CHRNA4: variants seen among roughly 807,000 people sequenced by gnomAD.
CHRNA4 encodes neuronal acetylcholine receptor subunit alpha-4.
A neutral mutation model predicts 48.9 loss-of-function variants in CHRNA4; 28 were observed. That is an observed-to-expected ratio of 0.57 (90% CI 0.42 to 0.79). The LOEUF (loss-of-function observed/expected upper bound fraction) is 0.79. CHRNA4 is among the 30% of genes least tolerant of loss of function. The probability of loss-of-function intolerance (pLI) is 0.00; values close to 1 mark genes in which losing one functional copy is unlikely to be tolerated. For missense variants in CHRNA4, 859 were observed against 898.4 expected (o/e 0.96, Z 0.56); for synonymous variants, 425 against 402.3 (o/e 1.06, Z -0.68).
intron 4 of CHRNA4, among the ~76,000 whole-genome samples, chr20:63,353,990 G>GCTGTGGTCCTAGAGGGGC (rs2068672502): frequency 1.4e-5 from 1 of 69,372 alleles, no homozygotes; most frequent in Non-Finnish European, 3.0e-5. Context: ...GTCCTGGGGG[G>GCTGTGGTCCTAGAGGGGC]CTGTGGTCCT....
At chr20:63,356,815 G>A (rs1413805023) in intron 2 of CHRNA4, among the ~76,000 whole-genome samples, 2 of 152,172 alleles carry the variant, frequency 1.3e-5, no homozygotes, top group East Asian at 3.8e-4. Flanking sequence ...AGCTGCCCCT[G>A]GCACATAAGT....
chr20:63,359,575 G>A lies in CHRNA4; in HGVS notation c.201C>T (p.Gly67=), dbSNP rs2068771752. The change falls in exon 2 of 6, where the codon GGC becomes GGT. Residue 67 remains glycine (G), a synonymous_variant. Transcript: ENST00000370263. ...NISDVVLVRF[G]LSIAQLIDVD... ...CGTCAATGAGCTGAGCGATGGACAG[G>A]CCGAAGCGGACGAGGACCACGTCCG... is the stretch of plus-strand genomic sequence containing the variant. 3 of 1,612,746 alleles carry A rather than the reference G, an allele frequency of 1.9e-6. No homozygotes were observed. Among genetic ancestry groups the A allele is most frequent in the Admixed American group, 3.3e-5 (2 of 60,028 alleles).
At chr20:63,348,636 C>T (rs2068532647) in intron 5 of CHRNA4, among the ~76,000 whole-genome samples, 1 of 152,206 alleles carries the variant, frequency 6.6e-6, no homozygotes, top group South Asian at 2.1e-4. Context: ...GGGACAAGAG[C>T]CAGGAGGTGC....
At chr20:63,353,468 G>GGGCTGTGGTCCTAGGT (rs2068647379) in intron 4 of CHRNA4, among the ~76,000 whole-genome samples, 2 of 142,402 alleles carry the variant, frequency 1.4e-5, no homozygotes, top group South Asian at 4.7e-4. Flanking sequence ...TGGTCCTAGG[G>GGGCTGTGGTCCTAGGT]GGGCTGTGGT....
chr20:63,355,584 G>GCT lies in CHRNA4; in HGVS notation c.383+389_383+390dup, dbSNP rs1351406233. 1.9e-5 allele frequency: 25 copies of GCT among 1,302,464 alleles called. No individual in the cohort carries two copies. The South Asian group carries it at 2.8e-4, about 15-fold the overall frequency. The allele number at this position is 1,302,464 out of a possible 1,614,324, so 80.7% of individuals were successfully genotyped here. On this transcript the variant is annotated intron_variant, in intron 4 of 5. Coordinates refer to ENST00000370263, the MANE Select transcript of CHRNA4 (RefSeq NM_000744.7). Reference sequence around the variant, plus strand: ...GCGAAAAGCACTCCTGCCCAAAAGGGCTCTCCTGCAGCTGTCAAGGGTGGG... The same window carrying GCT: ...GCGAAAAGCACTCCTGCCCAAAAGGGCTCTCTCCTGCAGCTGTCAAGGGTGGG...
At position 63,343,765 on chromosome 20, in the gene CHRNA4, C is replaced by T. The variant is rs201016842; in HGVS notation, c.*2973G>A. 17 of 453,340 alleles carry T rather than the reference C, an allele frequency of 3.7e-5. No homozygotes were observed. The highest frequency in any genetic ancestry group is 7.0e-4 in the Middle Eastern group (1 of 1,438). The allele number at this position is 453,340 out of a possible 1,614,324, so 28.1% of individuals were successfully genotyped here. On this transcript the variant is annotated 3_prime_UTR_variant, in exon 6 of 6. Coordinates refer to ENST00000370263, the MANE Select transcript of CHRNA4 (RefSeq NM_000744.7). ...AGCAGCCGCAGAGGGGCCGGCGCCC[C>T]GGCAGGCTTCGAGCTGCAGCAGTGT...
chr20:63,346,930 C>T, intron 5 of CHRNA4, 67 bp from the exon 6 acceptor site: 1 of 1,605,034 alleles, frequency 6.2e-7, no homozygotes, highest in South Asian at 1.1e-5. Context: ...CCCTCAGGAC[C>T]CCGGCGCCGC....
intron 5 of CHRNA4, 63 bp downstream of exon 5, chr20:63,349,590 A>G: frequency 6.3e-7 from 1 of 1,599,824 alleles, no homozygotes; most frequent in Non-Finnish European, 8.5e-7. Flanking sequence ...CACCAGGAAG[A>G]AAGGGCGTCC....
chr20:63,344,402 C>T lies in CHRNA4; in HGVS notation c.*2336G>A. 4.4e-6 allele frequency: 2 copies of T among 453,876 alleles called. No homozygotes were observed. The highest frequency in any genetic ancestry group is 1.6e-5 in the South Asian group (1 of 64,468). 28.1% of individuals were successfully genotyped at this position (453,876 alleles called of 1,614,324 possible). ...TAAATTTTACCTTAATTAATAAAAA[C>T]AGCACTGGACGCAAATACGCCAACA... On this transcript the variant is annotated 3_prime_UTR_variant, in exon 6 of 6. Coordinates refer to ENST00000370263, the MANE Select transcript of CHRNA4 (RefSeq NM_000744.7). This position sits in a 1 kb window ranked among gnomAD's most constrained non-coding sequence, Gnocchi z 4.5.
rs924949457 is a variant in CHRNA4, at chr20:63,345,082, C to T, written c.*1656G>A. On this transcript the variant is annotated 3_prime_UTR_variant, in exon 6 of 6. Transcript: ENST00000370263. This position sits in a 1 kb window ranked among gnomAD's most constrained non-coding sequence, Gnocchi z 5.4. ...TGGGCCTGAGTCTCCTCCCCACTCA[C>T]GTCACTGCCCGCGGGGACACAGCGG... 1.3e-5 allele frequency: 6 copies of T among 453,938 alleles called. No individual in the cohort carries two copies. Among genetic ancestry groups the T allele is most frequent in the Admixed American group, 2.4e-5 (1 of 42,542 alleles). The allele number at this position is 453,938 out of a possible 1,614,324, so 28.1% of individuals were successfully genotyped here.
chr20:63,358,771 C>T (rs1601493543), intron 2 of CHRNA4, among the ~76,000 whole-genome samples: 2 of 152,340 alleles, frequency 1.3e-5, no homozygotes, highest in South Asian at 4.1e-4. Context: ...AGTGGCTGAG[C>T]CTGGCTGGGA....
chr20:63,345,055 T>C lies in CHRNA4; in HGVS notation c.*1683A>G, dbSNP rs1456734229. 3 of 453,742 alleles carry C rather than the reference T, an allele frequency of 6.6e-6. 1 individual carries two copies. Among genetic ancestry groups the C allele is most frequent in the South Asian group, 3.1e-5 (2 of 64,446 alleles). The allele number at this position is 453,742 out of a possible 1,614,324, so 28.1% of individuals were successfully genotyped here. On this transcript the variant is annotated 3_prime_UTR_variant, in exon 6 of 6. Transcript: ENST00000370263. This position sits in a 1 kb window ranked among gnomAD's most constrained non-coding sequence, Gnocchi z 5.4. ...GCAGTTCAGAGGCAGGTGTGGGCAA[T>C]GTGGGCCTGAGTCTCCTCCCCACTC...
intron 5 of CHRNA4, among the ~76,000 whole-genome samples, chr20:63,348,970 G>A (rs45492301): frequency 1.3e-5 from 2 of 152,316 alleles, no homozygotes; most frequent in East Asian, 3.9e-4. Flanking sequence ...TGGCTCCTGG[G>A]GCCTCTGTGC....
At chr20:63,348,160 C>T (rs1280749279) in intron 5 of CHRNA4, among the ~76,000 whole-genome samples, 13 of 152,234 alleles carry the variant, frequency 8.5e-5, no homozygotes, top group Admixed American at 8.5e-4. Context: ...AGAACCAGGT[C>T]AGGCAGCGGC....
chr20:63,356,394 T>G lies in CHRNA4; in HGVS notation c.250A>C (p.Thr84Pro). The change falls in exon 3 of 6, where the codon ACC (threonine) becomes CCC (proline). Residue 84 changes from threonine to proline, a missense_variant. By Grantham distance (38) the Thr-to-Pro change is conservative (BLOSUM62 -1). Transcript: ENST00000370263. The part of the protein sequence containing the change: ...IDVDEKNQMM[T>P]TNVWVKQEWH... ...ACCTGCTTCACCCATACGTTCGTGG[T>G]CATCATCTGGTTCTTCTCATCCTAG... The G allele has an allele frequency of 3.7e-6, 6 of 1,601,864 alleles. No homozygotes were observed. The highest frequency in any genetic ancestry group is 5.1e-6 in the Non-Finnish European group (6 of 1,174,894).
Position 63,359,896 on chromosome 20 carries a change from G to A in CHRNA4, c.77-197C>T, listed in dbSNP as rs1475333264. On this transcript the variant is annotated intron_variant, in intron 1 of 5. Transcript: ENST00000370263. ...GTGTGTGTGTGTGTGCCGGGCGTGT[G>A]CTGTGTGTGTGTGTGTGTGTGTGTG... 36 of 500,590 alleles carry A rather than the reference G, an allele frequency of 7.2e-5. 1 individual carries two copies. The highest frequency in any genetic ancestry group is 5.2e-4 in the Middle Eastern group (1 of 1,926). 31.0% of individuals were successfully genotyped at this position (500,590 alleles called of 1,614,324 possible). A position where few individuals can be genotyped will look rare whatever the true frequency, so the allele number is the denominator to read the frequency against.
intron 4 of CHRNA4, among the ~76,000 whole-genome samples, chr20:63,353,442 T>A (rs1267101077): frequency 1.5e-5 from 2 of 132,018 alleles, no homozygotes; most frequent in African/African-American, 5.9e-5. Flanking sequence ...TCCTGAGCTG[T>A]GGTCCTAGGG....
Position 63,350,371 on chromosome 20 carries a change from A to T in CHRNA4, c.1040T>A (p.Val347Asp). 6.2e-7 allele frequency: 1 copy of T among 1,613,704 alleles called. No individual in the cohort carries two copies. Among genetic ancestry groups the T allele is most frequent in the Non-Finnish European group, 8.5e-7 (1 of 1,180,018 alleles). The stretch of plus-strand genomic sequence containing the variant: ...CAGGCGTGGCACGATGTCCAGGAAG[A>T]CCCTGCGTACCCAGGTGGGCATGGT... ...THTMPTWVRR[V>D]FLDIVPRLLL... The change falls in exon 5 of 6, where the codon GTC becomes GAC. Residue 347 changes from valine (V) to aspartate (D), a missense_variant. Val to Asp is a radical substitution (Grantham distance 152). Around this residue, in one of 3 missense-constraint regions of CHRNA4, gnomAD observed 478 missense variants for 455.4 expected, o/e 1.05. Transcript: ENST00000370263.
chr20:63,352,122 C>T (rs1399863787), intron 4 of CHRNA4, among the ~76,000 whole-genome samples: 1 of 152,278 alleles, frequency 6.6e-6, no homozygotes, highest in Non-Finnish European at 1.5e-5. Flanking sequence ...CCTGCTCCAC[C>T]TCTGCCAAGC....
Sources: allele counts gnomAD v4.1 joint callset (sites outside exome capture counted in the v4.1 genomes callset), GRCh38; gene constraint gnomAD v4.1.1; regional missense constraint gnomAD v4.1.1; non-coding constraint Gnocchi (gnomAD v3.1); transcripts MANE v1.5; gene names NCBI Gene and HGNC (gene_info 2026-07-23, HGNC 2026-07-21).